The following CCDC69 variants were observed in gnomAD, a reference collection of about 807,000 sequenced individuals.
CCDC69 encodes coiled-coil domain containing 69.
In CCDC69, 38 loss-of-function variants were observed where a neutral mutation model predicts 40.3. The observed-to-expected ratio is 0.94, with a 90% confidence interval of 0.73 to 1.24. The LOEUF is 1.24. Among genes scored for constraint, CCDC69 ranks in the 50% most tolerant of loss-of-function variants. CCDC69 has a pLI of 0.00. For synonymous variants in CCDC69, 141 were observed against 138.9 expected (o/e 1.02, Z -0.11); for missense variants, 389 against 357.9 (o/e 1.09, Z -0.70).
chr5:151,209,712 T>C (rs1323452552), intron 1 of CCDC69, among the ~76,000 whole-genome samples: 2 of 152,138 alleles, frequency 1.3e-5, no homozygotes, highest in East Asian at 3.8e-4. Context: ...CCCAAGTAGC[T>C]GGGACTACAG....
rs61487393 is a variant in CCDC69, at chr5:151,186,461, A to AGGAGAG, written c.394-343_394-338dup. 2.3e-3 allele frequency among the ~76,000 whole-genome samples: 350 copies of AGGAGAG among 151,628 alleles called. 2 individuals are homozygous for AGGAGAG. The highest frequency in any genetic ancestry group is 7.7e-3 in the African/African-American group (319 of 41,306). ...AGAAGGAGAGGGAGGGAGAAGGAGA[A>AGGAGAG]GGAGAGGGAGAAGGAGAGGAGATGA... On this transcript the variant is annotated intron_variant, in intron 5 of 8. Transcript: ENST00000355417.
At chr5:151,191,378 A>G (rs1368298550) in intron 4 of CCDC69, among the ~76,000 whole-genome samples, 1 of 152,208 alleles carries the variant, frequency 6.6e-6, no homozygotes, top group African/African-American at 2.4e-5. Context: ...ACTTTATCTA[A>G]TTGATTTATA....
chr5:151,222,847 G>A (rs1265571005), intron 1 of CCDC69, among the ~76,000 whole-genome samples: 1 of 152,190 alleles, frequency 6.6e-6, no homozygotes, highest in Non-Finnish European at 1.5e-5. Flanking sequence ...GGAGGTGTCA[G>A]AGAAGGGAGT....
chr5:151,213,661 G>A (rs1752988560), intron 1 of CCDC69, among the ~76,000 whole-genome samples: 1 of 152,194 alleles, frequency 6.6e-6, no homozygotes, highest in African/African-American at 2.4e-5. Flanking sequence ...TAGGATGGAA[G>A]GTAAGAGTAG....
intron 1 of CCDC69, among the ~76,000 whole-genome samples, chr5:151,209,015 G>C (rs2113998400): frequency 6.6e-6 from 1 of 152,328 alleles, no homozygotes; most frequent in African/African-American, 2.4e-5. Context: ...CTGTCACACT[G>C]TGCCATAATG....
chr5:151,200,177 C>T (rs998225660), intron 3 of CCDC69, among the ~76,000 whole-genome samples: 3 of 151,956 alleles, frequency 2.0e-5, no homozygotes, highest in Admixed American at 6.6e-5. Flanking sequence ...CTTGCTCTGC[C>T]ACCCAGGCAA....
chr5:151,192,012 G>T (rs1425409474), intron 4 of CCDC69, among the ~76,000 whole-genome samples: 1 of 145,206 alleles, frequency 6.9e-6, no homozygotes, highest in Non-Finnish European at 1.5e-5. Flanking sequence ...TTGATTCCAG[G>T]AGTTTGAGGC....
At chr5:151,188,603 A>G (rs891057226) in intron 4 of CCDC69, among the ~76,000 whole-genome samples, 5 of 151,326 alleles carry the variant, frequency 3.3e-5, no homozygotes, top group African/African-American at 1.2e-4. Context: ...TCTGTCTCCA[A>G]AAAAAAAAGA....
chr5:151,196,921 G>T (rs1011090691), intron 4 of CCDC69, among the ~76,000 whole-genome samples: 1 of 152,230 alleles, frequency 6.6e-6, no homozygotes, highest in Non-Finnish European at 1.5e-5. Context: ...GCCTGTACTA[G>T]TGGCACTATT....
At chr5:151,208,237 T>G (rs1247643831) in intron 1 of CCDC69, among the ~76,000 whole-genome samples, 1 of 151,988 alleles carries the variant, frequency 6.6e-6, no homozygotes, top group Non-Finnish European at 1.5e-5. Context: ...TGCAATAGAG[T>G]GAGACTCTGT....
chr5:151,202,337 C>A (rs1047247750), intron 2 of CCDC69, among the ~76,000 whole-genome samples: 2 of 152,030 alleles, frequency 1.3e-5, no homozygotes, highest in Non-Finnish European at 2.9e-5. Context: ...CTCCAGTCTG[C>A]GCAACAGAGC....
chr5:151,205,361 C>A (rs761084704), intron 2 of CCDC69, 39 bp downstream of exon 2: 1 of 1,494,198 alleles, frequency 6.7e-7, no homozygotes, highest in Non-Finnish European at 9.3e-7. Context: ...AGGAACCTCA[C>A]AGATGGCAGT....
At chr5:151,197,390 A>G (rs1401058862) in intron 4 of CCDC69, among the ~76,000 whole-genome samples, 15 of 152,160 alleles carry the variant, frequency 9.9e-5, no homozygotes, top group Admixed American at 9.8e-4. Flanking sequence ...TTAGCTGGGC[A>G]TGGTGGCACG....
chr5:151,198,291 GATCTATCTATCT>G lies in CCDC69; in HGVS notation c.319+694_319+705del, dbSNP rs56093424. ...GACTGGAGCTCTAGAGAATGAGATT[GATCTATCTATCT>G]ATCTATCTATCTATCTATCTATCTA... On this transcript the variant is annotated intron_variant, in intron 4 of 8. Coordinates refer to ENST00000355417, the MANE Select transcript of CCDC69 (RefSeq NM_015621.3). Among the ~76,000 whole-genome samples the G allele has an allele frequency of 5.2e-3, 737 of 141,814 alleles. 6 individuals carry two copies. Among genetic ancestry groups the G allele is most frequent in the South Asian group, 0.02 (86 of 4,368 alleles). 93.0% of individuals were successfully genotyped at this position (141,814 alleles called of 152,430 possible).
At chr5:151,183,654 C>G in intron 8 of CCDC69, 40 bp from the exon 9 acceptor site, 4 of 1,548,720 alleles carry the variant, frequency 2.6e-6, no homozygotes, top group Non-Finnish European at 3.5e-6. Flanking sequence ...CTACTGGGAG[C>G]AGCTGCCACA....
intron 4 of CCDC69, among the ~76,000 whole-genome samples, chr5:151,196,914 T>C (rs920875808): frequency 6.6e-6 from 1 of 152,246 alleles, no homozygotes; most frequent in Non-Finnish European, 1.5e-5. Context: ...AGTAGGTGCC[T>C]GTACTAGTGG....
intron 4 of CCDC69, among the ~76,000 whole-genome samples, chr5:151,191,530 A>G (rs771720300): frequency 2.3e-4 from 35 of 152,362 alleles, no homozygotes; most frequent in Non-Finnish European, 5.1e-4. Flanking sequence ...CTCTGACTGT[A>G]ATGCAATCAA....
In CCDC69 at chr5:151,199,028, G is replaced by A. The variant is rs1411028415; in HGVS notation, c.288C>T (p.Val96=). Residue 96 remains valine, a synonymous_variant, in exon 4 of 9, where the codon GTC becomes GTT. Coordinates refer to ENST00000355417, the MANE Select transcript of CCDC69 (RefSeq NM_015621.3). ...GGGCCTCTTCATTCTTTCCTTCCAGGACCCTTTGCTGCTCATCCAGTCTGT... is the reference window on the plus strand; with the variant it reads ...GGGCCTCTTCATTCTTTCCTTCCAGAACCCTTTGCTGCTCATCCAGTCTGT... The part of the protein sequence containing the change: ...LRDRLDEQQR[V]LEGKNEEALQ... 1 of 1,613,936 alleles carries A rather than the reference G, an allele frequency of 6.2e-7. No individual in the cohort carries two copies. Among genetic ancestry groups the A allele is most frequent in the African/African-American group, 1.3e-5 (1 of 74,886 alleles).
intron 4 of CCDC69, among the ~76,000 whole-genome samples, chr5:151,196,677 A>G (rs1003429426): frequency 3.9e-5 from 6 of 152,104 alleles, no homozygotes; most frequent in African/African-American, 1.4e-4. Context: ...ACAATGCGAA[A>G]CCACTTTATG....
Sources: allele counts gnomAD v4.1 joint callset (sites outside exome capture counted in the v4.1 genomes callset), GRCh38; gene constraint gnomAD v4.1.1; transcripts MANE v1.5; gene names NCBI Gene and HGNC (gene_info 2026-07-23, HGNC 2026-07-21).